The following MAPKBP1 variants were observed in gnomAD, a reference collection of about 807,000 sequenced individuals.
MAPKBP1 encodes the protein mitogen-activated protein kinase-binding protein 1.
In MAPKBP1, 71 loss-of-function variants were observed where a neutral mutation model predicts 170.5. The ratio of observed to expected loss-of-function variants is 0.42; its 90% CI spans 0.34 to 0.51. The LOEUF is 0.51. Ranked by LOEUF, MAPKBP1 falls within the 20% of genes least tolerant of loss-of-function variation. The pLI, the probability that MAPKBP1 is intolerant of heterozygous loss-of-function variation, is 0.06. For synonymous variants in MAPKBP1, 719 were observed against 757.9 expected (o/e 0.95, Z 0.84); for missense variants, 1,598 against 1,933.0 (o/e 0.83, Z 3.25).
At chr15:41,807,322 A>G (rs1385147063) in intron 3 of MAPKBP1, among the ~76,000 whole-genome samples, 2 of 152,256 alleles carry the variant, frequency 1.3e-5, no homozygotes, top group South Asian at 2.1e-4. Context: ...CTGAGTTTGT[A>G]TGCAGTGACT....
At chr15:41,814,429 C>T in intron 9 of MAPKBP1, 121 bp from the exon 10 acceptor site, 1 of 942,598 alleles carries the variant, frequency 1.1e-6, no homozygotes, top group South Asian at 1.8e-5. Flanking sequence ...TTCTCTCAAG[C>T]AACTACTTCC....
Position 41,818,734 on chromosome 15 carries a change from GTC to G in MAPKBP1, c.2157-86_2157-85del. On this transcript the variant is annotated intron_variant, in intron 19 of 30. Transcript: ENST00000457542. The surrounding 1 kb of genome is among the most constrained non-coding windows in gnomAD (Gnocchi z 5.2). ...TGACCTGAAGTGGAGGGTGGCTCTG[GTC>G]TCCTTGCCATCCATGGATAAGGGGA... 6.4e-7 allele frequency: 1 copy of G among 1,567,890 alleles called. No homozygotes were observed. The highest frequency in any genetic ancestry group is 8.7e-7 in the Non-Finnish European group (1 of 1,149,064).
chr15:41,784,682 T>C (rs1263737819), intron 2 of MAPKBP1, among the ~76,000 whole-genome samples: 2 of 146,432 alleles, frequency 1.4e-5, no homozygotes, highest in African/African-American at 2.6e-5. Flanking sequence ...CTCGGGAGGC[T>C]GAGGGAGGAG....
chr15:41,814,987 C>T (rs2064865616), intron 10 of MAPKBP1, among the ~76,000 whole-genome samples: 1 of 152,188 alleles, frequency 6.6e-6, no homozygotes, highest in Non-Finnish European at 1.5e-5. Context: ...TCAGTTTCCT[C>T]ACCTGTAAAA....
rs771419023 is a variant in MAPKBP1, at chr15:41,821,794, CT to C, written c.2885+45del. The stretch of plus-strand genomic sequence containing the variant: ...CCAGACCCCGTGCCCCCGTCTTCCC[CT>C]CCCTATGAGTGTTCTTTAGTCGAGG... On this transcript the variant is annotated intron_variant, in intron 24 of 30. Transcript: ENST00000457542. 3.1e-6 allele frequency: 5 copies of C among 1,604,620 alleles called. No homozygotes were observed. The African/African-American group carries it at 6.8e-5, about 22-fold the overall frequency.
chr15:41,800,194 C>T (rs2064564939), intron 3 of MAPKBP1, among the ~76,000 whole-genome samples: 1 of 152,184 alleles, frequency 6.6e-6, no homozygotes, highest in Non-Finnish European at 1.5e-5. Context: ...TCAGTAACTA[C>T]CTTCCAGTCA....
At position 41,822,013 on chromosome 15, in the gene MAPKBP1, C is replaced by T; in HGVS notation, c.2934C>T (p.Tyr978=). ...CCCGGGGAACTCTGGGAAGAGTGTA[C>T]CCAGGCAGCAGGAGCTCAGAAAAGC... ...APARGTLGRV[Y]PGSRSSEKHS... Residue 978 remains tyrosine, a synonymous_variant, in exon 25 of 31, where the codon TAC becomes TAT. Coordinates refer to ENST00000457542, the MANE Select transcript of MAPKBP1 (RefSeq NM_014994.3). 1 of 1,610,350 alleles carries T rather than the reference C, an allele frequency of 6.2e-7. No individual in the cohort carries two copies. Among genetic ancestry groups the T allele is most frequent in the Non-Finnish European group, 8.5e-7 (1 of 1,178,276 alleles).
intron 2 of MAPKBP1, among the ~76,000 whole-genome samples, chr15:41,785,545 T>A (rs1168120320): frequency 1.3e-5 from 2 of 152,168 alleles, no homozygotes; most frequent in African/African-American, 2.4e-5. Flanking sequence ...GATGTAGAAA[T>A]AATTTTTTTT....
At position 41,817,801 on chromosome 15, in the gene MAPKBP1, G is replaced by A; in HGVS notation, c.1904+66G>A. ...CTCCCTACGGGGTCAGCTCTGTGCA[G>A]CTAAGTTCCCACATCTGTCGTTCTG... On this transcript the variant is annotated intron_variant, in intron 16 of 30. Transcript: ENST00000457542. The surrounding 1 kb of genome is among the most constrained non-coding windows in gnomAD (Gnocchi z 4.2). The A allele has an allele frequency of 6.3e-7, 1 of 1,593,856 alleles. No individual in the cohort carries two copies. The highest frequency in any genetic ancestry group is 1.1e-5 in the South Asian group (1 of 89,016).
intron 27 of MAPKBP1, 107 bp from the exon 28 acceptor site, chr15:41,822,832 T>C: frequency 6.7e-7 from 1 of 1,486,084 alleles, no homozygotes. Flanking sequence ...CTATCTGGCT[T>C]TGTGCTTGTT....
In MAPKBP1 at chr15:41,799,863, G is replaced by A; in HGVS notation, c.155G>A (p.Gly52Asp). 1 of 1,614,112 alleles carries A rather than the reference G, an allele frequency of 6.2e-7. No individual in the cohort carries two copies. Among genetic ancestry groups the A allele is most frequent in the Non-Finnish European group, 8.5e-7 (1 of 1,180,008 alleles). The change falls in exon 3 of 31, where the codon GGC becomes GAC. Residue 52 changes from glycine to aspartate, a missense_variant. Physicochemically the swap from Gly to Asp is moderately conservative, Grantham distance 94 (BLOSUM62 -1). Around this residue, in one of 6 missense-constraint regions of MAPKBP1, gnomAD observed 151 missense variants for 191.4 expected, o/e 0.79. Coordinates refer to ENST00000457542, the MANE Select transcript of MAPKBP1 (RefSeq NM_014994.3). ...EKVLGITVSG[G>D]RGLACDPRSG... The stretch of plus-strand genomic sequence containing the variant: ...GTGCTGGGAATTACAGTGTCTGGAG[G>A]CAGAGGACTTGCCTGTGACCCCCGA...
intron 2 of MAPKBP1, among the ~76,000 whole-genome samples, chr15:41,792,204 T>A (rs1215120550): frequency 6.6e-6 from 1 of 151,642 alleles, no homozygotes; most frequent in Non-Finnish European, 1.5e-5. Context: ...GGCTTTATTC[T>A]TTCTTTCTCT....
Position 41,804,443 on chromosome 15 carries a change from A to G in MAPKBP1, c.206+4529A>G, listed in dbSNP as rs141902041. On this transcript the variant is annotated intron_variant, in intron 3 of 30. Transcript: ENST00000457542. Reference sequence around the variant, plus strand: ...GTGCAGCCTGCCTCAGGGGAATTCCACTTGTTCTTGCCTCTGCCTGGGAAA... The same window carrying G: ...GTGCAGCCTGCCTCAGGGGAATTCCGCTTGTTCTTGCCTCTGCCTGGGAAA... Among the ~76,000 whole-genome samples, 1,208 of 152,280 alleles carry G rather than the reference A, an allele frequency of 7.9e-3. 16 individuals are homozygous for G. The highest frequency in any genetic ancestry group is 0.031 in the South Asian group (149 of 4,824).
rs1341088131 is a variant in MAPKBP1, at chr15:41,823,798, G to A, written c.3950G>A (p.Gly1317Asp). Residue 1317 changes from glycine (G) to aspartate (D), a missense_variant, in exon 29 of 31, where the codon GGC (glycine) becomes GAC (aspartate). By Grantham distance (94) the Gly-to-Asp change is moderately conservative. Coordinates refer to ENST00000457542, the MANE Select transcript of MAPKBP1 (RefSeq NM_014994.3). ...FSPVTKGRAPGEAEKPGFPVG... is the reference protein window; with the variant it reads ...FSPVTKGRAPDEAEKPGFPVG... Reference sequence around the variant, plus strand: ...CCTGTCACCAAAGGCCGGGCCCCTGGCGAGGCAGAAAAGCCTGGCTTCCCG... The same window carrying A: ...CCTGTCACCAAAGGCCGGGCCCCTGACGAGGCAGAAAAGCCTGGCTTCCCG... 3 of 1,614,006 alleles carry A rather than the reference G, an allele frequency of 1.9e-6. No individual in the cohort carries two copies. The Admixed American group carries it at 5.0e-5, about 27-fold the overall frequency.
chr15:41,796,491 C>G (rs1484399239), intron 2 of MAPKBP1, among the ~76,000 whole-genome samples: 1 of 152,174 alleles, frequency 6.6e-6, no homozygotes, highest in Non-Finnish European at 1.5e-5. Flanking sequence ...AACGCAAAAC[C>G]TCCCTGCAAA....
At chr15:41,798,674 C>G (rs1223730626) in intron 2 of MAPKBP1, among the ~76,000 whole-genome samples, 1 of 152,174 alleles carries the variant, frequency 6.6e-6, no homozygotes, top group Non-Finnish European at 1.5e-5. Context: ...CCTCCCCTCT[C>G]TAGAAACTGG....
intron 3 of MAPKBP1, chr15:41,810,566 A>C: frequency 3.4e-6 from 1 of 296,016 alleles, no homozygotes. Flanking sequence ...AAAAAAATAC[A>C]AAGATTAGCT....
chr15:41,783,747 C>G (rs946143209), intron 2 of MAPKBP1, among the ~76,000 whole-genome samples: 1 of 152,184 alleles, frequency 6.6e-6, no homozygotes, highest in African/African-American at 2.4e-5. Flanking sequence ...CTTGGCCTCA[C>G]GCCTATAATC....
At chr15:41,780,488 C>T (rs2152067040) in intron 2 of MAPKBP1, among the ~76,000 whole-genome samples, 1 of 152,272 alleles carries the variant, frequency 6.6e-6, no homozygotes, top group East Asian at 1.9e-4. Context: ...CTCAGAGTAT[C>T]CGTTGGTTTT....
Sources: allele counts gnomAD v4.1 joint callset (sites outside exome capture counted in the v4.1 genomes callset), GRCh38; gene constraint gnomAD v4.1.1; regional missense constraint gnomAD v4.1.1; non-coding constraint Gnocchi (gnomAD v3.1); transcripts MANE v1.5; gene names NCBI Gene and HGNC (gene_info 2026-07-23, HGNC 2026-07-21).